ADAM12: variants seen among roughly 807,000 people sequenced by gnomAD.
ADAM12 encodes the protein disintegrin and metalloproteinase domain-containing protein 12.
Under a neutral mutation model 106.4 loss-of-function variants are expected in ADAM12, and 70 were observed. The observed-to-expected ratio is 0.66, with a 90% confidence interval of 0.54 to 0.80. The LOEUF (loss-of-function observed/expected upper bound fraction) is 0.80. Ranked by LOEUF, ADAM12 falls within the 30% of genes least tolerant of loss-of-function variation. The pLI is 0.00. For missense variants in ADAM12, 1,010 were observed against 1,171.9 expected (o/e 0.86, Z 2.02); for synonymous variants, 420 against 433.5 (o/e 0.97, Z 0.39).
intron 3 of ADAM12, among the ~76,000 whole-genome samples, chr10:126,218,068 T>A (rs746665114): frequency 1.4e-4 from 22 of 152,042 alleles, no homozygotes; most frequent in South Asian, 2.1e-4. Flanking sequence ...GATTTTTTGG[T>A]ACTAGGTACT....
chr10:126,223,089 T>C (rs1958126206), intron 3 of ADAM12, among the ~76,000 whole-genome samples: 1 of 152,224 alleles, frequency 6.6e-6, no homozygotes. Context: ...ATAGTCTTCA[T>C]TTTGCCTATC....
In ADAM12 at chr10:126,053,493, A is replaced by C. The variant is rs2133450304; in HGVS notation, c.1610-3824T>G. Reference sequence around the variant, plus strand: ...TTTCAGGAGCACCGCCATTCTCCCAAAGACAAACCCTCAGAAAGGCTTGTG... The same window carrying C: ...TTTCAGGAGCACCGCCATTCTCCCACAGACAAACCCTCAGAAAGGCTTGTG... On this transcript the variant is annotated intron_variant, in intron 14 of 22. Transcript: ENST00000448723. The surrounding 1 kb of genome is among the most constrained non-coding windows in gnomAD (Gnocchi z 4.6). Among the ~76,000 whole-genome samples the C allele has an allele frequency of 6.6e-6, 1 of 152,268 alleles. No homozygotes were observed. The highest frequency in any genetic ancestry group is 1.9e-4 in the East Asian group (1 of 5,172).
intron 2 of ADAM12, among the ~76,000 whole-genome samples, chr10:126,316,796 A>T (rs1853892939): frequency 6.6e-6 from 1 of 151,824 alleles, no homozygotes; most frequent in Non-Finnish European, 1.5e-5. Context: ...AAAAAAAAAA[A>T]AAAAAGAAAA....
At chr10:126,315,889 G>A (rs1317011840) in intron 2 of ADAM12, among the ~76,000 whole-genome samples, 1 of 152,212 alleles carries the variant, frequency 6.6e-6, no homozygotes, top group Non-Finnish European at 1.5e-5. Context: ...GTGTCTGGCT[G>A]ACCGACAGCT....
At position 126,275,410 on chromosome 10, in the gene ADAM12, A is replaced by G. The variant is rs148571158; in HGVS notation, c.260+3505T>C. Among the ~76,000 whole-genome samples the G allele has an allele frequency of 1.7e-4, 26 of 152,316 alleles. 1 individual carries two copies. The East Asian group carries it at 3.1e-3, about 18-fold the overall frequency. ...ACAGATTTTAAGTGAACAGCATCCA[A>G]TCTTTTCATAAATTAGGGATGTTAG... On this transcript the variant is annotated intron_variant, in intron 3 of 22. Transcript: ENST00000448723.
At chr10:126,039,568 A>T (rs1351065425) in intron 18 of ADAM12, 139 bp from the exon 19 acceptor site, 1 of 1,000,930 alleles carries the variant, frequency 1.0e-6, no homozygotes, top group African/African-American at 1.6e-5. Flanking sequence ...ATGTACTAAT[A>T]AACTGTCTTA....
Position 126,043,185 on chromosome 10 carries a change from A to T in ADAM12, c.1996-37T>A. On this transcript the variant is annotated intron_variant, in intron 17 of 22. Transcript: ENST00000448723. This position sits in a 1 kb window ranked among gnomAD's most constrained non-coding sequence, Gnocchi z 4.1. The stretch of plus-strand genomic sequence containing the variant: ...GAGGGGAGGGACGTGGGGTTAGGGC[A>T]TATGCTCTGTGCATCACCACAGCAG... The T allele has an allele frequency of 6.3e-7, 1 of 1,592,854 alleles. No homozygotes were observed. Among genetic ancestry groups the T allele is most frequent in the Non-Finnish European group, 8.6e-7 (1 of 1,163,668 alleles).
chr10:126,036,852 G>GCTT (rs1180260298), intron 20 of ADAM12, among the ~76,000 whole-genome samples: 1 of 152,130 alleles, frequency 6.6e-6, no homozygotes, highest in Non-Finnish European at 1.5e-5. Flanking sequence ...TATACCTCAG[G>GCTT]CTTCTACCCC....
chr10:126,358,176 C>CA (rs34098142), intron 1 of ADAM12, among the ~76,000 whole-genome samples: 85,893 of 129,742 alleles, frequency 0.66, 27,137 homozygotes, highest in Admixed American at 0.74. Flanking sequence ...GACTCCGTCT[C>CA]AAAAAAAAAA....
chr10:126,309,151 C>G (rs988798400), intron 2 of ADAM12, among the ~76,000 whole-genome samples: 1 of 152,228 alleles, frequency 6.6e-6, no homozygotes, highest in African/African-American at 2.4e-5. Flanking sequence ...CTTTTGACTA[C>G]ATTGATCGTT....
intron 2 of ADAM12, among the ~76,000 whole-genome samples, chr10:126,323,472 G>A (rs1400901098): frequency 6.6e-6 from 1 of 152,130 alleles, no homozygotes; most frequent in Non-Finnish European, 1.5e-5. Context: ...AGGACCCAGA[G>A]TTGCCAAAAG....
chr10:126,169,155 G>T (rs1239509943), intron 3 of ADAM12, among the ~76,000 whole-genome samples: 1 of 152,088 alleles, frequency 6.6e-6, no homozygotes, highest in Non-Finnish European at 1.5e-5. Context: ...GCCTCCCTTT[G>T]GTTTCCCAAG....
At chr10:126,149,205 C>A (rs551436073) in intron 4 of ADAM12, among the ~76,000 whole-genome samples, 1 of 152,256 alleles carries the variant, frequency 6.6e-6, no homozygotes, top group South Asian at 2.1e-4. Context: ...ATCAGAGAAC[C>A]CAGAAAAGCA....
intron 3 of ADAM12, among the ~76,000 whole-genome samples, chr10:126,207,489 A>G (rs1429425252): frequency 6.6e-6 from 1 of 152,252 alleles, no homozygotes; most frequent in Non-Finnish European, 1.5e-5. Context: ...AAGAGTGCTC[A>G]TGATACATCT....
chr10:126,278,602 A>G (rs1467302542), intron 3 of ADAM12, among the ~76,000 whole-genome samples: 1 of 152,230 alleles, frequency 6.6e-6, no homozygotes, highest in Non-Finnish European at 1.5e-5. Flanking sequence ...TCAACTAATT[A>G]TGAAACTCTG....
chr10:126,253,834 G>A (rs1958835403), intron 3 of ADAM12, among the ~76,000 whole-genome samples: 1 of 152,200 alleles, frequency 6.6e-6, no homozygotes, highest in African/African-American at 2.4e-5. Context: ...CAGGCTCCAT[G>A]AGAGAAGCCT....
intron 2 of ADAM12, among the ~76,000 whole-genome samples, chr10:126,322,991 G>A (rs1854158905): frequency 6.6e-6 from 1 of 152,134 alleles, no homozygotes; most frequent in Non-Finnish European, 1.5e-5. Context: ...TCAGGCCAAG[G>A]GTGGGGTTGG....
chr10:126,244,800 T>C (rs12770840), intron 3 of ADAM12, among the ~76,000 whole-genome samples: 3 of 152,136 alleles, frequency 2.0e-5, no homozygotes, highest in African/African-American at 7.2e-5. Flanking sequence ...AAAATGCTAC[T>C]TGAGTGGGGA....
At chr10:126,124,107 G>A (rs1353050382) in intron 5 of ADAM12, among the ~76,000 whole-genome samples, 1 of 152,082 alleles carries the variant, frequency 6.6e-6, no homozygotes, top group Non-Finnish European at 1.5e-5. Context: ...ACTGCACCCG[G>A]CAAGCAGGAC....
Sources: gnomAD v4.1 joint callset for allele counts (sites outside exome capture counted in the v4.1 genomes callset) on GRCh38, gnomAD v4.1.1 for gene constraint, Gnocchi (gnomAD v3.1) non-coding constraint, MANE v1.5 for transcripts, NCBI Gene and HGNC (gene_info 2026-07-23, HGNC 2026-07-21) for gene names.